WDR27: variants seen among roughly 807,000 people sequenced by gnomAD.
WDR27 encodes WD repeat domain 27.
Under a neutral mutation model 114.4 loss-of-function variants are expected in WDR27, and 100 were observed. The ratio of observed to expected loss-of-function variants is 0.87; its 90% confidence interval spans 0.74 to 1.03. The LOEUF (loss-of-function observed/expected upper bound fraction) is 1.03, where lower values mean the gene tolerates loss of function less well. WDR27 is among the 50% of genes least tolerant of loss of function. WDR27 has a pLI of 0.00. For synonymous variants in WDR27, 449 were observed against 423.1 expected, an observed-to-expected ratio of 1.06 and a Z score of -0.75; for missense variants, 1,129 against 1,092.9, an observed-to-expected ratio of 1.03 and a Z score of -0.47.
intron 2 of WDR27, among the ~76,000 whole-genome samples, chr6:169,678,757 A>G (rs1780725809): frequency 6.6e-6 from 1 of 152,236 alleles, no homozygotes; most frequent in African/African-American, 2.4e-5. Context: ...AAGAAAATCA[A>G]AATGTTTTAC....
At chr6:169,686,013 C>A (rs1299855445) in intron 2 of WDR27, among the ~76,000 whole-genome samples, 1 of 152,134 alleles carries the variant, frequency 6.6e-6, no homozygotes, top group Non-Finnish European at 1.5e-5. Context: ...TCAGCAGAAA[C>A]CTTACAGTTC....
chr6:169,436,518 T>A, the WDR27 span, among the ~76,000 whole-genome samples: 1 of 152,126 alleles, frequency 6.6e-6, no homozygotes, highest in African/African-American at 2.4e-5. Flanking sequence ...GAACACCTGA[T>A]ATTCACATGC....
At chr6:169,460,978 C>T (rs957836744) in intron 25 of WDR27, among the ~76,000 whole-genome samples, 6 of 148,692 alleles carry the variant, frequency 4.0e-5, no homozygotes, top group Non-Finnish European at 6.0e-5. Flanking sequence ...GGGGTAGATA[C>T]ACCAATAACA....
chr6:169,540,323 T>G (rs1042138008), intron 25 of WDR27, among the ~76,000 whole-genome samples: 5 of 152,232 alleles, frequency 3.3e-5, no homozygotes, highest in Non-Finnish European at 7.3e-5. Flanking sequence ...AAATCATATA[T>G]TCTTTTGTTT....
intron 25 of WDR27, among the ~76,000 whole-genome samples, chr6:169,477,096 G>A (rs1012942424): frequency 2.6e-5 from 4 of 152,194 alleles, no homozygotes; most frequent in Admixed American, 6.5e-5. Context: ...GATCTACTGA[G>A]ATAAGAAAGT....
At chr6:169,496,165 T>C (rs1382609705) in intron 25 of WDR27, among the ~76,000 whole-genome samples, 1 of 151,896 alleles carries the variant, frequency 6.6e-6, no homozygotes, top group South Asian at 2.1e-4. Context: ...ATGGAAAAAA[T>C]GCATGATTAT....
Position 169,524,522 on chromosome 6 carries a change from C to A in WDR27, c.2645+47897G>T, listed in dbSNP as rs191164725. ...AGCTGAAGGTGTCACACTCACCTGA[C>A]TTCAAAATATCCTCCAAATTTATAG... is the stretch of plus-strand genomic sequence containing the variant. On this transcript the variant is annotated intron_variant, in intron 25 of 25. Transcript: ENST00000448612. 8.3e-4 allele frequency among the ~76,000 whole-genome samples: 127 copies of A among 152,298 alleles called. 1 individual carries two copies. Among genetic ancestry groups the A allele is most frequent in the African/African-American group, 2.8e-3 (117 of 41,580 alleles).
chr6:169,481,932 C>G (rs942798048), intron 25 of WDR27, among the ~76,000 whole-genome samples: 1 of 152,228 alleles, frequency 6.6e-6, no homozygotes, highest in Non-Finnish European at 1.5e-5. Flanking sequence ...ACCAAGAACA[C>G]ACCAATTCCG....
chr6:169,636,694 A>G (rs1817725763), intron 18 of WDR27, among the ~76,000 whole-genome samples, 190 bp from the exon 19 acceptor site: 1 of 152,248 alleles, frequency 6.6e-6, no homozygotes, highest in Admixed American at 6.5e-5. Flanking sequence ...TATGATTAAA[A>G]TGTTACTGTA....
intron 17 of WDR27, among the ~76,000 whole-genome samples, chr6:169,640,019 C>A (rs1202860041): frequency 6.6e-6 from 1 of 152,088 alleles, no homozygotes; most frequent in Non-Finnish European, 1.5e-5. Context: ...CGCACCCAGC[C>A]CTGCAGCCTC....
the WDR27 span, among the ~76,000 whole-genome samples, chr6:169,447,020 G>A: frequency 7.9e-5 from 12 of 152,276 alleles, no homozygotes; most frequent in Admixed American, 3.9e-4. Context: ...ATTGAAAAAC[G>A]TAGTTGAAAT....
intron 25 of WDR27, among the ~76,000 whole-genome samples, chr6:169,481,598 G>A (rs1367640411): frequency 2.0e-5 from 3 of 152,174 alleles, no homozygotes; most frequent in East Asian, 1.9e-4. Context: ...GTGAGACCAT[G>A]AACCAACTAG....
At chr6:169,557,852 A>C (rs903893005) in intron 25 of WDR27, among the ~76,000 whole-genome samples, 1 of 152,180 alleles carries the variant, frequency 6.6e-6, no homozygotes. Flanking sequence ...GAAGATTATC[A>C]CTAAAATAAG....
At chr6:169,432,761 G>C in the WDR27 span, among the ~76,000 whole-genome samples, 2 of 152,222 alleles carry the variant, frequency 1.3e-5, no homozygotes, top group Admixed American at 6.5e-5. Context: ...GTACCAGGTA[G>C]TGGGGCACTG....
intron 2 of WDR27, among the ~76,000 whole-genome samples, chr6:169,675,644 G>A (rs1779895344): frequency 1.3e-5 from 2 of 152,142 alleles, no homozygotes; most frequent in South Asian, 4.1e-4. Context: ...CAAAGCGGGG[G>A]CTTCCAGGCT....
Position 169,672,395 on chromosome 6 carries a change from A to C in WDR27, c.191T>G (p.Leu64Arg). 1 of 1,589,240 alleles carries C rather than the reference A, an allele frequency of 6.3e-7. No homozygotes were observed. The highest frequency in any genetic ancestry group is 8.6e-7 in the Non-Finnish European group (1 of 1,168,246). The change falls in exon 3 of 26, where the codon CTT becomes CGT. Residue 64 changes from leucine (L) to arginine (R), a missense_variant and splice_region_variant. Transcript: ENST00000448612. The stretch of plus-strand genomic sequence containing the variant: ...CTGATGGTGTCCTCGTAGGATTAGA[A>C]GCTGGGAAAATTAACAAAAATAAAA... ...IWNTKDPSHQ[L>R]LILRGHHQPI... is the part of the protein sequence containing the mutation.
At chr6:169,458,111 C>T (rs1407190097) in intron 25 of WDR27, among the ~76,000 whole-genome samples, 1 of 152,136 alleles carries the variant, frequency 6.6e-6, no homozygotes, top group Non-Finnish European at 1.5e-5. Flanking sequence ...CTGTTGAAGG[C>T]TTGCAACTTC....
chr6:169,659,570 T>TAC lies in WDR27; in HGVS notation c.1130-54_1130-53dup. 1 of 1,548,132 alleles carries TAC rather than the reference T, an allele frequency of 6.5e-7. No individual in the cohort carries two copies. The highest frequency in any genetic ancestry group is 1.2e-5 in the South Asian group (1 of 85,102). On this transcript the variant is annotated intron_variant, in intron 10 of 25. Coordinates refer to ENST00000448612, the MANE Select transcript of WDR27 (RefSeq NM_182552.5). This position sits in a 1 kb window ranked among gnomAD's most constrained non-coding sequence, Gnocchi z 4.3. ...ACATGATGGGGAGGGAGGTAGCACA[T>TAC]ACACACGGAGTCACTGCCCAGAGCC...
At chr6:169,529,312 C>CGGGGGGGG in intron 25 of WDR27, among the ~76,000 whole-genome samples, 1 of 115,248 alleles carries the variant, frequency 8.7e-6, no homozygotes, top group East Asian at 3.2e-4. Context: ...GTGACCTCTG[C>CGGGGGGGG]GGGGGGGGGG....
Sources: gnomAD v4.1 joint callset for allele counts (sites outside exome capture counted in the v4.1 genomes callset) on GRCh38, gnomAD v4.1.1 for gene constraint, Gnocchi (gnomAD v3.1) non-coding constraint, MANE v1.5 for transcripts, NCBI Gene and HGNC (gene_info 2026-07-23, HGNC 2026-07-21) for gene names.